Variants in PRICKLE2 observed in about 807,000 individuals in gnomAD.
PRICKLE2 encodes prickle-like protein 2.
Under a neutral mutation model 81.4 loss-of-function variants are expected in PRICKLE2, and 21 were observed. That is an observed-to-expected ratio of 0.26 (90% CI 0.18 to 0.37). The LOEUF (loss-of-function observed/expected upper bound fraction) is 0.37, where lower values mean the gene tolerates loss of function less well. Among genes scored for constraint, PRICKLE2 ranks in the 10% least tolerant of loss-of-function variants. The pLI is 1.00. For missense variants in PRICKLE2, 940 were observed against 1,109.0 expected (o/e 0.85, Z 2.16); for synonymous variants, 456 against 421.5 (o/e 1.08, Z -1.00).
At position 64,213,069 on chromosome 3, in the gene PRICKLE2, T is replaced by G. The variant is rs1379096947; in HGVS notation, c.-41+11841A>C. On this transcript the variant is annotated intron_variant, in intron 1 of 7. Transcript: ENST00000638394. ...CCTTCAAGGTCATACTAATGACTGTTTTTTGTTCTTTTTTTTTTTTTTTTG... is the reference window on the plus strand; with the variant it reads ...CCTTCAAGGTCATACTAATGACTGTGTTTTGTTCTTTTTTTTTTTTTTTTG... Among the ~76,000 whole-genome samples, 6 of 147,402 alleles carry G rather than the reference T, an allele frequency of 4.1e-5. No homozygotes were observed. In the Admixed American group the frequency reaches 4.1e-4, roughly 10 times the overall value.
intron 2 of PRICKLE2, among the ~76,000 whole-genome samples, chr3:64,238,371 C>G (rs1015139338): frequency 4.0e-5 from 6 of 151,570 alleles, no homozygotes; most frequent in Non-Finnish European, 7.4e-5. Flanking sequence ...GCCTGTAGTC[C>G]CAGCTACTCG....
chr3:64,166,936 G>T (rs891812870), intron 2 of PRICKLE2, among the ~76,000 whole-genome samples: 3 of 152,150 alleles, frequency 2.0e-5, no homozygotes, highest in Admixed American at 6.5e-5. Flanking sequence ...TGAGCAAAGG[G>T]GATTAACGGA....
At chr3:64,180,130 C>A (rs182774887) in intron 2 of PRICKLE2, among the ~76,000 whole-genome samples, 2 of 152,226 alleles carry the variant, frequency 1.3e-5, no homozygotes, top group East Asian at 3.9e-4. Context: ...ATGTTATGTG[C>A]GTATGTTATA....
At chr3:64,155,441 AAT>A (rs2077618920) in intron 5 of PRICKLE2, among the ~76,000 whole-genome samples, 2 of 151,970 alleles carry the variant, frequency 1.3e-5, no homozygotes, top group Non-Finnish European at 2.9e-5. Context: ...TGATAGCAGG[AAT>A]GTAAAATGTT....
chr3:64,178,064 A>G (rs1012972829), intron 2 of PRICKLE2, among the ~76,000 whole-genome samples: 1 of 152,140 alleles, frequency 6.6e-6, no homozygotes, highest in Admixed American at 6.5e-5. Flanking sequence ...ACCAACATTT[A>G]TTTTCCAGTT....
At chr3:64,206,390 T>C (rs2078690525) in intron 1 of PRICKLE2, among the ~76,000 whole-genome samples, 1 of 152,238 alleles carries the variant, frequency 6.6e-6, no homozygotes. Flanking sequence ...CTGGGCAATG[T>C]ACATTTTCAA....
intron 2 of PRICKLE2, among the ~76,000 whole-genome samples, chr3:64,176,829 A>G (rs2078030298): frequency 6.6e-6 from 1 of 152,220 alleles, no homozygotes; most frequent in Non-Finnish European, 1.5e-5. Context: ...CTAAGTTTCA[A>G]ATGAATCATA....
At chr3:64,236,193 A>T (rs768201814) in intron 2 of PRICKLE2, among the ~76,000 whole-genome samples, 1 of 152,170 alleles carries the variant, frequency 6.6e-6, no homozygotes. Flanking sequence ...GATGCCCAAC[A>T]CCTAGCATAC....
At chr3:64,211,351 G>C (rs576628461) in intron 1 of PRICKLE2, among the ~76,000 whole-genome samples, 3 of 152,312 alleles carry the variant, frequency 2.0e-5, no homozygotes, top group Admixed American at 6.5e-5. Context: ...AAATAAAAAG[G>C]AGTTTCTATC....
At chr3:64,214,861 A>G (rs996107362) in intron 1 of PRICKLE2, among the ~76,000 whole-genome samples, 1 of 152,152 alleles carries the variant, frequency 6.6e-6, no homozygotes, top group Non-Finnish European at 1.5e-5. Flanking sequence ...CGAAACGAAC[A>G]AGGAGGAGCC....
At chr3:64,202,454 C>T (rs973325947) in intron 1 of PRICKLE2, among the ~76,000 whole-genome samples, 2 of 152,116 alleles carry the variant, frequency 1.3e-5, no homozygotes, top group African/African-American at 4.8e-5. Flanking sequence ...TTTTTAGGCA[C>T]AAGGCTTGCA....
chr3:64,202,011 C>T (rs976737414), intron 1 of PRICKLE2, among the ~76,000 whole-genome samples: 2 of 152,098 alleles, frequency 1.3e-5, no homozygotes, highest in African/African-American at 4.8e-5. Context: ...ATTGAATTGT[C>T]TTGGTACCCT....
At chr3:64,106,576 C>T (rs1468597772) in intron 7 of PRICKLE2, among the ~76,000 whole-genome samples, 1 of 152,216 alleles carries the variant, frequency 6.6e-6, no homozygotes, top group South Asian at 2.1e-4. Flanking sequence ...TGCCTCCAAA[C>T]CGTGGCTGGG....
chr3:64,211,607 T>C (rs1401538585), intron 1 of PRICKLE2, among the ~76,000 whole-genome samples: 1 of 152,202 alleles, frequency 6.6e-6, no homozygotes, highest in African/African-American at 2.4e-5. Context: ...TGGCAAAATA[T>C]TAACAGAAAA....
At chr3:64,112,413 G>A (rs1396863084) in intron 7 of PRICKLE2, among the ~76,000 whole-genome samples, 1 of 152,188 alleles carries the variant, frequency 6.6e-6, no homozygotes, top group Non-Finnish European at 1.5e-5. Flanking sequence ...CCATTTGTGG[G>A]ACAGCAGTTC....
At chr3:64,186,776 T>G (rs1425124456) in intron 2 of PRICKLE2, among the ~76,000 whole-genome samples, 1 of 152,226 alleles carries the variant, frequency 6.6e-6, no homozygotes, top group Non-Finnish European at 1.5e-5. Flanking sequence ...AGTTACTTGC[T>G]GATTTGGTGG....
chr3:64,236,826 T>C (rs962287694), intron 2 of PRICKLE2, among the ~76,000 whole-genome samples: 6 of 152,230 alleles, frequency 3.9e-5, no homozygotes, highest in African/African-American at 1.4e-4. Flanking sequence ...ACAATTGTAT[T>C]ATCTTCACAA....
At chr3:64,231,961 A>T (rs1170524001) in intron 2 of PRICKLE2, among the ~76,000 whole-genome samples, 3 of 152,190 alleles carry the variant, frequency 2.0e-5, no homozygotes, top group Non-Finnish European at 4.4e-5. Context: ...GAAAACAAAA[A>T]CAAAAACCAG....
At chr3:64,109,745 G>C (rs1184798016) in intron 7 of PRICKLE2, among the ~76,000 whole-genome samples, 1 of 152,206 alleles carries the variant, frequency 6.6e-6, no homozygotes. Flanking sequence ...GTCATGGACT[G>C]ATCTTGGTTT....
Sources: gnomAD v4.1 joint callset for allele counts (sites outside exome capture counted in the v4.1 genomes callset) on GRCh38, gnomAD v4.1.1 for gene constraint, MANE v1.5 for transcripts, NCBI Gene and HGNC (gene_info 2026-07-23, HGNC 2026-07-21) for gene names.